The following PPP3CA variants were observed in gnomAD, a reference collection of about 807,000 sequenced individuals.
PPP3CA encodes protein phosphatase 3 catalytic subunit alpha, also known as CAM-PRP catalytic subunit.
A neutral mutation model predicts 66.5 loss-of-function variants in PPP3CA; 14 were observed. That is an observed-to-expected ratio of 0.21 (90% CI 0.14 to 0.33). The LOEUF is 0.33. Among genes scored for constraint, PPP3CA ranks in the 10% least tolerant of loss-of-function variants. The pLI, the probability that PPP3CA is intolerant of heterozygous loss-of-function variation, is 1.00. For missense variants in PPP3CA, 317 were observed against 639.5 expected, an observed-to-expected ratio of 0.50 and a Z score of 5.44; for synonymous variants, 232 against 226.2, an observed-to-expected ratio of 1.03 and a Z score of -0.23.
rs559764540 is a variant in PPP3CA at position 101,278,809 on chromosome 4, C to T, written c.58+67930G>A. Among the ~76,000 whole-genome samples, 6 of 152,308 alleles carry T rather than the reference C, an allele frequency of 3.9e-5. No homozygotes were observed. In the South Asian group the frequency reaches 1.2e-3, roughly 32 times the overall value. The stretch of plus-strand genomic sequence containing the variant: ...TTCACTTTATATTTTCCCTACCATC[C>T]CTTTAAACAATCACCCCCGTGGACA... On this transcript the variant is annotated intron_variant, in intron 1 of 13. Transcript: ENST00000394854.
intron 1 of PPP3CA, among the ~76,000 whole-genome samples, chr4:101,280,429 T>G (rs1294566045): frequency 2.0e-5 from 3 of 152,130 alleles, no homozygotes; most frequent in Non-Finnish European, 4.4e-5. Flanking sequence ...AGTCTGAGTG[T>G]GGACAAGTTA....
At chr4:101,228,879 A>G (rs1488482679) in intron 1 of PPP3CA, among the ~76,000 whole-genome samples, 1 of 151,700 alleles carries the variant, frequency 6.6e-6, no homozygotes, top group Non-Finnish European at 1.5e-5. Flanking sequence ...CCTCCACCAG[A>G]AAGTTTAGTT....
At chr4:101,324,147 AG>A (rs1396534525) in intron 1 of PPP3CA, among the ~76,000 whole-genome samples, 41 of 115,608 alleles carry the variant, frequency 3.5e-4, no homozygotes, top group African/African-American at 1.9e-3. Flanking sequence ...AAGGGAAGGA[AG>A]GGAGGGAGGA....
intron 2 of PPP3CA, among the ~76,000 whole-genome samples, chr4:101,117,580 A>C (rs1721883443): frequency 6.6e-6 from 1 of 151,794 alleles, no homozygotes; most frequent in African/African-American, 2.4e-5. Context: ...AAGATGCCTA[A>C]TTATTAAGGG....
chr4:101,209,031 T>C (rs1208575600), intron 1 of PPP3CA, among the ~76,000 whole-genome samples: 3 of 152,178 alleles, frequency 2.0e-5, no homozygotes, highest in African/African-American at 7.2e-5. Flanking sequence ...GCAGAAAATA[T>C]AGAAACTTCT....
At chr4:101,182,335 CT>C (rs1724261235) in intron 2 of PPP3CA, among the ~76,000 whole-genome samples, 1 of 152,066 alleles carries the variant, frequency 6.6e-6, no homozygotes, top group East Asian at 1.9e-4. Flanking sequence ...ATAAAACAGG[CT>C]TAAGTATTAA....
At chr4:101,084,371 T>A (rs141214399) in intron 6 of PPP3CA, among the ~76,000 whole-genome samples, 100 of 152,286 alleles carry the variant, frequency 6.6e-4, no homozygotes, top group Middle Eastern at 3.4e-3. Flanking sequence ...CCGGGCATCG[T>A]GGGTCACACC....
chr4:101,033,473 T>C (rs1283169739), intron 11 of PPP3CA, among the ~76,000 whole-genome samples: 2 of 152,192 alleles, frequency 1.3e-5, no homozygotes, highest in African/African-American at 4.8e-5. Flanking sequence ...CAGTTCCATC[T>C]TTTAGTTACT....
At chr4:101,326,774 A>G (rs1286273933) in intron 1 of PPP3CA, among the ~76,000 whole-genome samples, 1 of 152,220 alleles carries the variant, frequency 6.6e-6, no homozygotes, top group African/African-American at 2.4e-5. Flanking sequence ...CAAGTAACAT[A>G]AGCTTTTCCT....
intron 1 of PPP3CA, among the ~76,000 whole-genome samples, chr4:101,276,407 A>G (rs1470280097): frequency 1.3e-5 from 2 of 152,164 alleles, no homozygotes; most frequent in East Asian, 1.9e-4. Flanking sequence ...TTTAATAAAA[A>G]CTATATTATT....
intron 10 of PPP3CA, among the ~76,000 whole-genome samples, chr4:101,055,986 T>C (rs539098340): frequency 1.3e-5 from 2 of 152,248 alleles, no homozygotes; most frequent in South Asian, 4.1e-4. Context: ...AAGCATATTA[T>C]ATTTGCTTAT....
At chr4:101,272,886 T>C (rs1727376525) in intron 1 of PPP3CA, among the ~76,000 whole-genome samples, 1 of 152,042 alleles carries the variant, frequency 6.6e-6, no homozygotes, top group Non-Finnish European at 1.5e-5. Context: ...GGTAAGAGAG[T>C]TAGCTGAAAG....
chr4:101,187,654 G>A (rs897967302), intron 2 of PPP3CA, among the ~76,000 whole-genome samples: 2 of 152,118 alleles, frequency 1.3e-5, no homozygotes, highest in South Asian at 4.1e-4. Context: ...AATGAATAAT[G>A]TGTTTCATGC....
intron 2 of PPP3CA, among the ~76,000 whole-genome samples, chr4:101,179,951 A>G (rs1158033719): frequency 6.6e-6 from 1 of 152,146 alleles, no homozygotes; most frequent in Admixed American, 6.6e-5. Flanking sequence ...AATATTATTT[A>G]TATGAAGTCA....
At chr4:101,299,891 T>A (rs1164874298) in intron 1 of PPP3CA, among the ~76,000 whole-genome samples, 3 of 152,244 alleles carry the variant, frequency 2.0e-5, no homozygotes, top group Non-Finnish European at 4.4e-5. Flanking sequence ...TTACAGCTAC[T>A]TTAAAAGGCA....
intron 1 of PPP3CA, among the ~76,000 whole-genome samples, chr4:101,334,180 G>C (rs1729551426): frequency 2.0e-5 from 3 of 151,848 alleles, no homozygotes; most frequent in South Asian, 2.1e-4. Context: ...TGTCGCCCAG[G>C]CTTGAGTGCA....
At chr4:101,276,277 C>T (rs935382724) in intron 1 of PPP3CA, among the ~76,000 whole-genome samples, 1 of 152,040 alleles carries the variant, frequency 6.6e-6, no homozygotes, top group Non-Finnish European at 1.5e-5. Context: ...AGAGAAGGAC[C>T]TCCTCTGAAA....
intron 1 of PPP3CA, among the ~76,000 whole-genome samples, chr4:101,249,243 A>C (rs1398799124): frequency 6.6e-6 from 1 of 152,130 alleles, no homozygotes; most frequent in African/African-American, 2.4e-5. Flanking sequence ...GTACTACTAC[A>C]CAGATGATTC....
chr4:101,179,870 T>G (rs1724180933), intron 2 of PPP3CA, among the ~76,000 whole-genome samples: 1 of 152,188 alleles, frequency 6.6e-6, no homozygotes, highest in Non-Finnish European at 1.5e-5. Context: ...TCTAATGTTT[T>G]ACTGTATTAA....
Sources: allele counts gnomAD v4.1 joint callset (sites outside exome capture counted in the v4.1 genomes callset), GRCh38; gene constraint gnomAD v4.1.1; transcripts MANE v1.5; gene names NCBI Gene and HGNC (gene_info 2026-07-23, HGNC 2026-07-21).